IGF2BP2: variants seen among roughly 807,000 people sequenced by gnomAD.
IGF2BP2 encodes the protein insulin like growth factor 2 mRNA binding protein 2, also known as insulin-like growth factor 2 mRNA-binding protein 2.
IGF2BP2 carries 17 observed loss-of-function variants against 75.8 expected under a neutral mutation model. The observed-to-expected ratio is 0.22, with a 90% CI of 0.15 to 0.34. The LOEUF (loss-of-function observed/expected upper bound fraction) is 0.34. IGF2BP2 is among the 10% of genes least tolerant of loss of function. The probability of loss-of-function intolerance (pLI) is 1.00; values close to 1 mark genes in which losing one functional copy is unlikely to be tolerated. For missense variants in IGF2BP2, 516 were observed against 772.4 expected (o/e 0.67, Z 3.93); for synonymous variants, 288 against 295.6 (o/e 0.97, Z 0.26).
intron 2 of IGF2BP2, among the ~76,000 whole-genome samples, chr3:185,820,777 CACT>C (rs1162095904): frequency 9.2e-5 from 14 of 152,082 alleles, no homozygotes; most frequent in Admixed American, 5.2e-4. Flanking sequence ...TCAAAGAAAT[CACT>C]ACAATACAAA....
At chr3:185,717,124 T>G (rs1043465696) in intron 2 of IGF2BP2, 6 of 210,642 alleles carry the variant, frequency 2.8e-5, no homozygotes, top group Admixed American at 1.6e-4. Flanking sequence ...TGACCAGGCT[T>G]CTTGCAGGCC....
intron 14 of IGF2BP2, among the ~76,000 whole-genome samples, chr3:185,648,248 G>T (rs1280298104): frequency 3.9e-5 from 6 of 152,140 alleles, no homozygotes; most frequent in African/African-American, 1.4e-4. Flanking sequence ...CCTGAGGTCG[G>T]GAGTTCGAGA....
At chr3:185,819,148 G>C (rs1741004824) in intron 2 of IGF2BP2, among the ~76,000 whole-genome samples, 1 of 151,924 alleles carries the variant, frequency 6.6e-6, no homozygotes, top group African/African-American at 2.4e-5. Flanking sequence ...AAAATGCTTA[G>C]AACATCTCTT....
In IGF2BP2 at chr3:185,645,649, G is replaced by A; in HGVS notation, c.1708-26C>T. The A allele has an allele frequency of 6.3e-7, 1 of 1,589,252 alleles. No homozygotes were observed. ...CTGCAGCAAGGGAGAGAAGGGAGAG[G>A]AAGGGACAGGGGAAAAAAGGAACCC... On this transcript the variant is annotated intron_variant, in intron 15 of 15. Transcript: ENST00000382199. The surrounding 1 kb of genome is among the most constrained non-coding windows in gnomAD (Gnocchi z 4.9).
In IGF2BP2 at chr3:185,689,609, G is replaced by A. The variant is rs563013811; in HGVS notation, c.423C>T (p.Ser141=). The A allele has an allele frequency of 3.6e-5, 58 of 1,613,946 alleles. 1 individual carries two copies. The highest frequency in any genetic ancestry group is 1.5e-4 in the South Asian group (14 of 91,078). The stretch of plus-strand genomic sequence containing the variant: ...AGGAGTAGTTCTCAAACTGATGCCC[G>A]CTTAGCTTCTCCATGGCTCTGAAAT... ...EEAKIAMEKL[S]GHQFENYSFK... Residue 141 remains serine, a synonymous_variant, in exon 6 of 16, where the codon AGC becomes AGT. Coordinates refer to ENST00000382199, the MANE Select transcript of IGF2BP2 (RefSeq NM_006548.6).
chr3:185,667,340 G>C (rs1417752283), intron 10 of IGF2BP2, among the ~76,000 whole-genome samples: 1 of 152,186 alleles, frequency 6.6e-6, no homozygotes, highest in Non-Finnish European at 1.5e-5. Context: ...GCCAGGTGCG[G>C]TAGCAAGTGC....
At chr3:185,801,318 C>T (rs901409002) in intron 2 of IGF2BP2, among the ~76,000 whole-genome samples, 7 of 151,892 alleles carry the variant, frequency 4.6e-5, no homozygotes, top group Non-Finnish European at 8.8e-5. Context: ...GGAGAAACCC[C>T]GTCTCTACTA....
At chr3:185,648,804 A>G (rs186065475) in intron 14 of IGF2BP2, among the ~76,000 whole-genome samples, 2 of 152,116 alleles carry the variant, frequency 1.3e-5, no homozygotes, top group African/African-American at 4.8e-5. Context: ...TCAAAAAACA[A>G]TCTCCTCCTT....
At chr3:185,771,901 G>C (rs1011973381) in intron 2 of IGF2BP2, among the ~76,000 whole-genome samples, 1 of 152,102 alleles carries the variant, frequency 6.6e-6, no homozygotes, top group African/African-American at 2.4e-5. Flanking sequence ...TGTCACAGAG[G>C]TGGGCTTCTG....
intron 7 of IGF2BP2, among the ~76,000 whole-genome samples, chr3:185,679,578 A>G (rs1396830972): frequency 7.2e-5 from 11 of 151,964 alleles, no homozygotes; most frequent in Admixed American, 7.2e-4. Flanking sequence ...GTTGCTGTCT[A>G]TCATTCTTTT....
Position 185,794,834 on chromosome 3 carries a change from T to C in IGF2BP2, c.239+28319A>G, listed in dbSNP as rs184729692. Among the ~76,000 whole-genome samples the C allele has an allele frequency of 3.4e-3, 516 of 152,184 alleles. 1 individual carries two copies. The highest frequency in any genetic ancestry group is 0.012 in the African/African-American group (497 of 41,530). On this transcript the variant is annotated intron_variant, in intron 2 of 15. Coordinates refer to ENST00000382199, the MANE Select transcript of IGF2BP2 (RefSeq NM_006548.6). ...CAGAAACTCCCCATCCTCCCCCTTCTCTAGCCCCTGGCAACTACCATTTTA... is the reference window on the plus strand; with the variant it reads ...CAGAAACTCCCCATCCTCCCCCTTCCCTAGCCCCTGGCAACTACCATTTTA...
chr3:185,693,397 C>T (rs1448008608), intron 4 of IGF2BP2, among the ~76,000 whole-genome samples: 1 of 152,102 alleles, frequency 6.6e-6, no homozygotes, highest in African/African-American at 2.4e-5. Flanking sequence ...ACATATAAAA[C>T]AATAAGAAAA....
chr3:185,654,611 C>T (rs950356456), intron 12 of IGF2BP2, among the ~76,000 whole-genome samples: 3 of 152,210 alleles, frequency 2.0e-5, no homozygotes, highest in Admixed American at 1.3e-4. Flanking sequence ...GTCCAGAAGT[C>T]GGAGGGCTAC....
At chr3:185,687,845 A>C (rs1721363587) in intron 6 of IGF2BP2, among the ~76,000 whole-genome samples, 1 of 152,164 alleles carries the variant, frequency 6.6e-6, no homozygotes, top group South Asian at 2.1e-4. Flanking sequence ...GGTTGTTAGA[A>C]AGCCTAGAGC....
intron 2 of IGF2BP2, among the ~76,000 whole-genome samples, chr3:185,726,364 G>A (rs1426754919): frequency 2.0e-5 from 3 of 152,180 alleles, no homozygotes; most frequent in Admixed American, 2.0e-4. Flanking sequence ...ACCCTGCTGG[G>A]TACACATCAG....
rs936190455 is a variant in IGF2BP2 at position 185,786,059 on chromosome 3, C to G, written c.239+37094G>C. On this transcript the variant is annotated intron_variant, in intron 2 of 15. Coordinates refer to ENST00000382199, the MANE Select transcript of IGF2BP2 (RefSeq NM_006548.6). ...GTTTTTCAAACTTATCTTTCATTAT[C>G]GCTCCCCTAATGAGCTAATTAAACT... Among the ~76,000 whole-genome samples, 5 of 151,122 alleles carry G rather than the reference C, an allele frequency of 3.3e-5. No individual in the cohort carries two copies. In the East Asian group the frequency reaches 9.7e-4, roughly 29 times the overall value.
chr3:185,798,879 C>T (rs1392348516), intron 2 of IGF2BP2, among the ~76,000 whole-genome samples: 2 of 150,582 alleles, frequency 1.3e-5, no homozygotes, highest in African/African-American at 4.9e-5. Context: ...CAGGCTCAAG[C>T]AACCCTCCCA....
intron 2 of IGF2BP2, among the ~76,000 whole-genome samples, chr3:185,809,526 A>T (rs1037788860): frequency 6.6e-6 from 1 of 152,204 alleles, no homozygotes; most frequent in Non-Finnish European, 1.5e-5. Flanking sequence ...GCGACTCAGG[A>T]GCCTGAGGTG....
chr3:185,820,235 T>TATACAC (rs1297313532), intron 2 of IGF2BP2, among the ~76,000 whole-genome samples: 1 of 102,762 alleles, frequency 9.7e-6, no homozygotes, highest in African/African-American at 3.7e-5. Flanking sequence ...TATATACACA[T>TATACAC]ACACACACAC....
Sources: gnomAD v4.1 joint callset for allele counts (sites outside exome capture counted in the v4.1 genomes callset) on GRCh38, gnomAD v4.1.1 for gene constraint, Gnocchi (gnomAD v3.1) non-coding constraint, MANE v1.5 for transcripts, NCBI Gene and HGNC (gene_info 2026-07-23, HGNC 2026-07-21) for gene names.